Variants in DRGX observed in about 807,000 individuals in gnomAD.
The protein encoded by DRGX is dorsal root ganglia homeobox protein.
In DRGX, 21 loss-of-function variants were observed where a neutral mutation model predicts 28.6. The observed-to-expected ratio is 0.73, with a 90% CI of 0.52 to 1.06. The LOEUF (loss-of-function observed/expected upper bound fraction) is 1.06, where lower values mean the gene tolerates loss of function less well. DRGX is among the 50% of genes least tolerant of loss of function. DRGX has a pLI of 0.00. For synonymous variants in DRGX, 136 were observed against 139.1 expected (o/e 0.98, Z 0.16); for missense variants, 354 against 343.9 (o/e 1.03, Z -0.23).
rs114223334 is a variant in DRGX at position 49,378,674 on chromosome 10, A to T, written c.526+7804T>A. Among the ~76,000 whole-genome samples, 896 of 152,344 alleles carry T rather than the reference A, an allele frequency of 5.9e-3. 10 individuals carry two copies. The highest frequency in any genetic ancestry group is 0.02 in the African/African-American group (845 of 41,562). On this transcript the variant is annotated intron_variant, in intron 6 of 6. Transcript: ENST00000374139. ...GTTCTAGCCAGCACAGTCCAGCAAG[A>T]AAAAGAAATTGAAAAGTATAAGCTT...
At chr10:49,387,838 A>T (rs1849857132) in intron 4 of DRGX, among the ~76,000 whole-genome samples, 2 of 152,192 alleles carry the variant, frequency 1.3e-5, no homozygotes, top group Non-Finnish European at 2.9e-5. Context: ...AAGTGCAGTG[A>T]GGTTAATTAA....
intron 6 of DRGX, among the ~76,000 whole-genome samples, chr10:49,385,465 C>T (rs1849821967): frequency 6.6e-6 from 1 of 152,148 alleles, no homozygotes; most frequent in Non-Finnish European, 1.5e-5. Context: ...TATGCTGTTC[C>T]CTACACCCAG....
intron 6 of DRGX, 29 bp downstream of exon 6, chr10:49,386,449 C>A: frequency 1.3e-6 from 2 of 1,500,338 alleles, no homozygotes; most frequent in South Asian, 2.6e-5. Flanking sequence ...TGAGGCCACG[C>A]CCACCAGCCC....
intron 6 of DRGX, among the ~76,000 whole-genome samples, chr10:49,382,896 C>CTG (rs142507811): frequency 3.3e-5 from 5 of 151,900 alleles, no homozygotes; most frequent in South Asian, 2.1e-4. Flanking sequence ...GACTGCCACA[C>CTG]TGTGTGTGTG....
chr10:49,383,081 G>A (rs1317593764), intron 6 of DRGX, among the ~76,000 whole-genome samples: 2 of 152,122 alleles, frequency 1.3e-5, no homozygotes, highest in Non-Finnish European at 2.9e-5. Flanking sequence ...GCAGCCCCAG[G>A]GACTGGCAGC....
chr10:49,380,294 G>A (rs528876306), intron 6 of DRGX, among the ~76,000 whole-genome samples: 4 of 152,206 alleles, frequency 2.6e-5, no homozygotes, highest in Non-Finnish European at 4.4e-5. Context: ...CTAATGCACC[G>A]AGGAGAGCAC....
In DRGX at chr10:49,395,406, C is replaced by T; in HGVS notation, c.34+1G>A. 6.5e-7 allele frequency: 1 copy of T among 1,550,152 alleles called. No individual in the cohort carries two copies. The highest frequency in any genetic ancestry group is 8.7e-7 in the Non-Finnish European group (1 of 1,146,824). On this transcript the variant is annotated splice_donor_variant, in intron 2 of 6. Transcript: ENST00000374139. LOFTEE classifies it high-confidence loss of function. ...GACCCTGGGGCGCAGCGCTTACTTA[C>T]CCTCTAGCTGTGGCGGGCAGTGGAA... is the stretch of plus-strand genomic sequence containing the variant.
In DRGX at chr10:49,365,682, C is replaced by T. The variant is rs1849590170; in HGVS notation, c.*434G>A. On this transcript the variant is annotated 3_prime_UTR_variant, in exon 7 of 7. Coordinates refer to ENST00000374139, the MANE Select transcript of DRGX (RefSeq NM_001276451.2). ...TTCCACCAGTTCCCCAGTTCTTAAA[C>T]ACTGTAAGCGGGACAGGCCCTTTTC... The T allele has an allele frequency of 6.5e-6, 1 of 153,958 alleles. No individual in the cohort carries two copies. The highest frequency in any genetic ancestry group is 2.4e-5 in the African/African-American group (1 of 41,380). 9.5% of individuals were successfully genotyped at this position (153,958 alleles called of 1,614,324 possible). A position where few individuals can be genotyped will look rare whatever the true frequency, so the allele number is the denominator to read the frequency against.
chr10:49,380,093 G>C (rs1439505492), intron 6 of DRGX, among the ~76,000 whole-genome samples: 1 of 152,228 alleles, frequency 6.6e-6, no homozygotes, highest in Non-Finnish European at 1.5e-5. Flanking sequence ...TGCCCAGAAG[G>C]CTTACCCCTC....
Position 49,386,727 on chromosome 10 carries a change from AG to A in DRGX, c.365del (p.Pro122LeufsTer22). ...PPVRNINSPP[P>X]GDQARSKKEA... Reference sequence around the variant, plus strand: ...CCTTCTTACTCCGGGCTTGGTCCCCAGGGGGCGGGGAGTTGATGTTTCTCAC... The same window carrying A: ...CCTTCTTACTCCGGGCTTGGTCCCCAGGGGCGGGGAGTTGATGTTTCTCAC... On this transcript the variant is annotated frameshift_variant, in exon 5 of 7. Transcript: ENST00000374139. LOFTEE classifies it high-confidence loss of function. The A allele has an allele frequency of 6.2e-7, 1 of 1,601,000 alleles. No individual in the cohort carries two copies. The highest frequency in any genetic ancestry group is 1.7e-5 in the Admixed American group (1 of 58,102).
At chr10:49,379,048 G>T (rs936417762) in intron 6 of DRGX, among the ~76,000 whole-genome samples, 1 of 152,166 alleles carries the variant, frequency 6.6e-6, no homozygotes, top group South Asian at 2.1e-4. Flanking sequence ...TCATTGGAGT[G>T]TTTCAGATTT....
At chr10:49,371,978 G>T (rs1278799251) in intron 6 of DRGX, among the ~76,000 whole-genome samples, 1 of 152,124 alleles carries the variant, frequency 6.6e-6, no homozygotes, top group Non-Finnish European at 1.5e-5. Context: ...CACATTGATG[G>T]TTAATGCTGA....
intron 4 of DRGX, among the ~76,000 whole-genome samples, chr10:49,387,874 A>G (rs2132483893): frequency 6.6e-6 from 1 of 152,302 alleles, no homozygotes; most frequent in East Asian, 1.9e-4. Flanking sequence ...CCAGGTGGTA[A>G]ATGGCAGATC....
chr10:49,394,351 C>G (rs1361637881), intron 2 of DRGX, among the ~76,000 whole-genome samples: 1 of 152,230 alleles, frequency 6.6e-6, no homozygotes, highest in Non-Finnish European at 1.5e-5. Context: ...CAAGCATCAC[C>G]TGAAGTCTCA....
At chr10:49,384,936 T>C (rs376141656) in intron 6 of DRGX, among the ~76,000 whole-genome samples, 5 of 151,268 alleles carry the variant, frequency 3.3e-5, no homozygotes, top group Non-Finnish European at 7.4e-5. Flanking sequence ...AAAGAGAAGA[T>C]GACTCTCAGG....
At chr10:49,378,466 A>G (rs1040190757) in intron 6 of DRGX, among the ~76,000 whole-genome samples, 4 of 152,220 alleles carry the variant, frequency 2.6e-5, no homozygotes, top group Non-Finnish European at 5.9e-5. Flanking sequence ...AGTGGTGAAA[A>G]TGTTCTAAAA....
At chr10:49,393,049 G>T (rs546335845) in intron 2 of DRGX, among the ~76,000 whole-genome samples, 4 of 151,998 alleles carry the variant, frequency 2.6e-5, no homozygotes, top group South Asian at 2.1e-4. Flanking sequence ...ACACATACAG[G>T]TATTTAATCT....
intron 6 of DRGX, among the ~76,000 whole-genome samples, chr10:49,385,383 C>T (rs1452213531): frequency 6.6e-6 from 1 of 152,186 alleles, no homozygotes; most frequent in Non-Finnish European, 1.5e-5. Flanking sequence ...GCTCTGGCCC[C>T]TGCTGGGCAC....
chr10:49,375,035 G>A (rs1849702186), intron 6 of DRGX, among the ~76,000 whole-genome samples: 2 of 152,206 alleles, frequency 1.3e-5, no homozygotes, highest in South Asian at 2.1e-4. Flanking sequence ...GTTTAAGTGG[G>A]AATATTGGTA....
Sources: gnomAD v4.1 joint callset for allele counts (sites outside exome capture counted in the v4.1 genomes callset) on GRCh38, gnomAD v4.1.1 for gene constraint, MANE v1.5 for transcripts, NCBI Gene and HGNC (gene_info 2026-07-23, HGNC 2026-07-21) for gene names.